The following RELN variants were observed in gnomAD, a reference collection of about 807,000 sequenced individuals.
The protein encoded by RELN is reelin.
Under a neutral mutation model 427.6 loss-of-function variants are expected in RELN, and 108 were observed. The observed-to-expected ratio is 0.25, with a 90% confidence interval of 0.22 to 0.30. The LOEUF is 0.30. Among genes scored for constraint, RELN ranks in the 10% least tolerant of loss-of-function variants. The pLI, the probability that RELN is intolerant of heterozygous loss-of-function variation, is 1.00. For missense variants in RELN, 3,715 were observed against 4,302.8 expected (o/e 0.86, Z 3.82); for synonymous variants, 1,524 against 1,513.4 (o/e 1.01, Z -0.16).
intron 31 of RELN, among the ~76,000 whole-genome samples, chr7:103,571,493 T>C (rs1464923468): frequency 1.3e-5 from 2 of 152,206 alleles, no homozygotes; most frequent in South Asian, 4.1e-4. Context: ...ATGATGGTTA[T>C]GGCATACATT....
chr7:103,524,629 A>G (rs1267602274), intron 46 of RELN, among the ~76,000 whole-genome samples: 1 of 152,198 alleles, frequency 6.6e-6, no homozygotes, highest in Non-Finnish European at 1.5e-5. Flanking sequence ...TCATTAAGAG[A>G]CCGTTAATCA....
intron 4 of RELN, among the ~76,000 whole-genome samples, chr7:103,753,940 G>T (rs1308003713): frequency 6.6e-6 from 1 of 152,088 alleles, no homozygotes; most frequent in African/African-American, 2.4e-5. Flanking sequence ...TGCATTAAAG[G>T]TAAATCAGCT....
At chr7:103,935,375 C>T (rs570739417) in intron 1 of RELN, among the ~76,000 whole-genome samples, 50 of 152,246 alleles carry the variant, frequency 3.3e-4, no homozygotes, top group African/African-American at 1.1e-3. Flanking sequence ...TCTTACTTGA[C>T]TCCTCTGTCC....
chr7:103,738,986 T>C (rs1181987173), intron 6 of RELN, among the ~76,000 whole-genome samples: 2 of 152,166 alleles, frequency 1.3e-5, no homozygotes, highest in African/African-American at 2.4e-5. Flanking sequence ...TGGCCTGGCA[T>C]CTTTTCATTC....
intron 50 of RELN, among the ~76,000 whole-genome samples, chr7:103,511,251 A>T (rs1001514644): frequency 1.3e-5 from 2 of 152,206 alleles, no homozygotes; most frequent in African/African-American, 4.8e-5. Context: ...ACATGAAAAA[A>T]AGTATATTGT....
chr7:103,667,583 A>G (rs1228997539), intron 11 of RELN, among the ~76,000 whole-genome samples: 1 of 152,196 alleles, frequency 6.6e-6, no homozygotes, highest in African/African-American at 2.4e-5. Context: ...CAAAGCTTAT[A>G]TATCAAAGTG....
rs535356329 is a variant in RELN, at chr7:103,828,733, C to T, written c.473+4804G>A. On this transcript the variant is annotated intron_variant, in intron 3 of 64. Coordinates refer to ENST00000428762, the MANE Select transcript of RELN (RefSeq NM_005045.4). ...ATCAAGATCAAACCCATGTTCATCA[C>T]ATTTCAGAATTTTAAAGTGGCACCT... is the stretch of plus-strand genomic sequence containing the variant. Among the ~76,000 whole-genome samples, 43 of 152,010 alleles carry T rather than the reference C, an allele frequency of 2.8e-4. 1 individual carries two copies. The South Asian group carries it at 8.7e-3, about 31-fold the overall frequency.
At chr7:103,857,420 T>C (rs937567014) in intron 2 of RELN, among the ~76,000 whole-genome samples, 2 of 152,234 alleles carry the variant, frequency 1.3e-5, no homozygotes, top group South Asian at 2.1e-4. Flanking sequence ...TGCCCTCTTT[T>C]AAGCAGACTG....
At chr7:103,728,229 T>C in intron 6 of RELN, 22 bp from the exon 7 acceptor site, 1 of 1,611,104 alleles carries the variant, frequency 6.2e-7, no homozygotes. Context: ...CAGAACACAG[T>C]CCCCGTCTGA....
rs77512037 is a variant in RELN at position 103,492,289 on chromosome 7, G to A, written c.9370-263C>T. On this transcript the variant is annotated intron_variant, in intron 57 of 64. Transcript: ENST00000428762. The stretch of plus-strand genomic sequence containing the variant: ...TAATAAAAAATTAATCACAAATCTG[G>A]GTAAGATAAACTGGCCAAAAAGAAA... 1.8e-3 allele frequency among the ~76,000 whole-genome samples: 280 copies of A among 152,074 alleles called. 9 individuals carry two copies. In the East Asian group the frequency reaches 0.045, roughly 25 times the overall value.
At chr7:103,755,540 G>C (rs550901019) in intron 4 of RELN, among the ~76,000 whole-genome samples, 1 of 151,646 alleles carries the variant, frequency 6.6e-6, no homozygotes, top group East Asian at 1.9e-4. Context: ...CCCAGGAGGC[G>C]GAGCTTGCAG....
At chr7:103,773,818 T>C (rs1005620684) in intron 4 of RELN, among the ~76,000 whole-genome samples, 3 of 152,048 alleles carry the variant, frequency 2.0e-5, no homozygotes, top group African/African-American at 7.2e-5. Context: ...TCTACCTTCC[T>C]GGGATGCCTT....
rs570971161 is a variant in RELN, at chr7:103,968,928, G to T, written c.226+20203C>A. Among the ~76,000 whole-genome samples the T allele has an allele frequency of 5.9e-5, 9 of 152,232 alleles. No homozygotes were observed. In the South Asian group the frequency reaches 1.9e-3, roughly 32 times the overall value. On this transcript the variant is annotated intron_variant, in intron 1 of 64. Coordinates refer to ENST00000428762, the MANE Select transcript of RELN (RefSeq NM_005045.4). This position sits in a 1 kb window ranked among gnomAD's most constrained non-coding sequence, Gnocchi z 4.3. The stretch of plus-strand genomic sequence containing the variant: ...GATTTAATTAAAATTTCAGAATCAT[G>T]AAAAAGAAATGACCTATTTAACTTG...
intron 2 of RELN, among the ~76,000 whole-genome samples, chr7:103,891,497 G>T (rs1428981691): frequency 2.0e-5 from 3 of 152,080 alleles, no homozygotes; most frequent in Non-Finnish European, 4.4e-5. Context: ...TAGTGAGCAT[G>T]TTCAATGCTT....
intron 4 of RELN, among the ~76,000 whole-genome samples, chr7:103,772,003 C>G (rs1791580987): frequency 6.6e-6 from 1 of 152,156 alleles, no homozygotes; most frequent in East Asian, 1.9e-4. Flanking sequence ...CTGCAGAATG[C>G]GTAAGTCCCT....
intron 1 of RELN, among the ~76,000 whole-genome samples, chr7:103,963,313 C>T (rs1466944015): frequency 3.9e-5 from 6 of 152,230 alleles, no homozygotes; most frequent in South Asian, 2.1e-4. Context: ...CACTTGACTA[C>T]AAAGCATTTT....
chr7:103,890,000 A>G lies in RELN; in HGVS notation c.337+27075T>C, dbSNP rs74516895. 3.9e-3 allele frequency among the ~76,000 whole-genome samples: 594 copies of G among 152,112 alleles called. 19 individuals carry two copies. The East Asian group carries it at 0.071, about 18-fold the overall frequency. On this transcript the variant is annotated intron_variant, in intron 2 of 64. Transcript: ENST00000428762. ...TTACCACCAAATGAATTCTTTTTTC[A>G]GTTCTGTGAACTTTTTGTTAATGCA...
At chr7:103,944,818 T>G (rs1232779049) in intron 1 of RELN, among the ~76,000 whole-genome samples, 1 of 152,126 alleles carries the variant, frequency 6.6e-6, no homozygotes, top group Non-Finnish European at 1.5e-5. Context: ...ATCCTGACAC[T>G]GGCTACGCTT....
At chr7:103,559,769 C>A (rs187964334) in intron 36 of RELN, among the ~76,000 whole-genome samples, 2 of 152,260 alleles carry the variant, frequency 1.3e-5, no homozygotes, top group Admixed American at 6.5e-5. Flanking sequence ...AGCTCAATGC[C>A]ATGTGGGAGT....
Sources: allele counts gnomAD v4.1 joint callset (sites outside exome capture counted in the v4.1 genomes callset), GRCh38; gene constraint gnomAD v4.1.1; non-coding constraint Gnocchi (gnomAD v3.1); transcripts MANE v1.5; gene names NCBI Gene and HGNC (gene_info 2026-07-23, HGNC 2026-07-21).